The following ELMO1 variants were observed in gnomAD, a reference collection of about 807,000 sequenced individuals.
The protein encoded by ELMO1 is engulfment and cell motility protein 1.
Under a neutral mutation model 98.9 loss-of-function variants are expected in ELMO1, and 26 were observed. The observed-to-expected ratio is 0.26, with a 90% confidence interval of 0.19 to 0.36. The LOEUF is 0.36. ELMO1 is among the 10% of genes least tolerant of loss of function. ELMO1 has a pLI of 1.00. For synonymous variants in ELMO1, 346 were observed against 346.0 expected, an observed-to-expected ratio of 1.00 and a Z score of 0.00; for missense variants, 627 against 935.2, an observed-to-expected ratio of 0.67 and a Z score of 4.30.
At chr7:37,176,946 G>A (rs139085150) in intron 13 of ELMO1, among the ~76,000 whole-genome samples, 431 of 152,288 alleles carry the variant, frequency 2.8e-3, no homozygotes, top group African/African-American at 9.7e-3. Context: ...CCTAAGTACG[G>A]ATATGGTGTA....
At chr7:37,312,336 G>A (rs771468822) in intron 4 of ELMO1, among the ~76,000 whole-genome samples, 21 of 152,182 alleles carry the variant, frequency 1.4e-4, no homozygotes, top group African/African-American at 3.9e-4. Context: ...TGACCCACCC[G>A]CCTTGGCCTC....
At chr7:37,022,480 C>A (rs1390458580) in intron 15 of ELMO1, among the ~76,000 whole-genome samples, 3 of 152,114 alleles carry the variant, frequency 2.0e-5, no homozygotes, top group African/African-American at 7.2e-5. Flanking sequence ...TGAAAAGGAG[C>A]TAAGCTTTTT....
rs1796300967 is a variant in ELMO1, at chr7:37,267,049, A to G, written c.243+4783T>C. Among the ~76,000 whole-genome samples the G allele has an allele frequency of 1.5e-5, 2 of 130,258 alleles. 1 individual carries two copies. Among genetic ancestry groups the G allele is most frequent in the African/African-American group, 6.5e-5 (2 of 30,658 alleles). 85.5% of individuals were successfully genotyped at this position (130,258 alleles called of 152,430 possible). ...AAAATATGTATATATACACACACACACACACACACACACACACACACACAC... is the reference window on the plus strand; with the variant it reads ...AAAATATGTATATATACACACACACGCACACACACACACACACACACACAC... On this transcript the variant is annotated intron_variant, in intron 5 of 21. Transcript: ENST00000310758.
intron 14 of ELMO1, among the ~76,000 whole-genome samples, chr7:37,107,342 G>A (rs375277436): frequency 2.0e-5 from 3 of 152,340 alleles, no homozygotes; most frequent in African/African-American, 7.2e-5. Flanking sequence ...GCTTCATGGA[G>A]AGGGTGAGCC....
At chr7:37,381,364 C>T (rs770824055) in intron 1 of ELMO1, among the ~76,000 whole-genome samples, 4 of 152,110 alleles carry the variant, frequency 2.6e-5, no homozygotes, top group Non-Finnish European at 5.9e-5. Flanking sequence ...TTATTTAAAC[C>T]CCCTAGATTA....
intron 1 of ELMO1, among the ~76,000 whole-genome samples, chr7:37,447,011 G>C (rs1466495256): frequency 5.3e-5 from 8 of 152,112 alleles, no homozygotes; most frequent in Non-Finnish European, 1.0e-4. Context: ...TTTTCCCCCA[G>C]ATCTGTAAAT....
At chr7:36,973,621 C>T (rs1191327061) in intron 16 of ELMO1, among the ~76,000 whole-genome samples, 1 of 152,218 alleles carries the variant, frequency 6.6e-6, no homozygotes, top group African/African-American at 2.4e-5. Context: ...GGTGACTCCT[C>T]TGCCTGGGCT....
intron 4 of ELMO1, 53 bp downstream of exon 4, chr7:37,314,797 T>G: frequency 6.5e-7 from 1 of 1,536,126 alleles, no homozygotes; most frequent in Non-Finnish European, 8.9e-7. Context: ...AACATCATCA[T>G]GATTTACTTT....
At chr7:37,216,729 A>T in intron 10 of ELMO1, 34 bp from the exon 11 acceptor site, 1 of 1,613,890 alleles carries the variant, frequency 6.2e-7, no homozygotes, top group Non-Finnish European at 8.5e-7. Context: ...ACAAAGGCTT[A>T]GGTTAGAAAG....
At chr7:37,228,723 C>T (rs1794001954) in intron 8 of ELMO1, among the ~76,000 whole-genome samples, 1 of 152,126 alleles carries the variant, frequency 6.6e-6, no homozygotes, top group Non-Finnish European at 1.5e-5. Context: ...TCATGGAGGG[C>T]CGGGCACAGT....
chr7:37,174,897 T>C (rs1790417128), intron 13 of ELMO1, among the ~76,000 whole-genome samples: 1 of 152,096 alleles, frequency 6.6e-6, no homozygotes, highest in African/African-American at 2.4e-5. Flanking sequence ...ACACCACAAA[T>C]GCAGTCCCTG....
intron 16 of ELMO1, among the ~76,000 whole-genome samples, chr7:36,970,797 A>G (rs776244546): frequency 2.0e-5 from 3 of 152,244 alleles, no homozygotes; most frequent in Non-Finnish European, 4.4e-5. Flanking sequence ...GCAATGTCAG[A>G]GCTGGCCACT....
At chr7:37,438,881 CCTT>C (rs902079605) in intron 1 of ELMO1, among the ~76,000 whole-genome samples, 2 of 152,146 alleles carry the variant, frequency 1.3e-5, no homozygotes, top group African/African-American at 2.4e-5. Flanking sequence ...CTCAAAGACT[CCTT>C]CTCCTTTTTC....
At chr7:37,153,622 A>G (rs1487914509) in intron 13 of ELMO1, among the ~76,000 whole-genome samples, 3 of 152,102 alleles carry the variant, frequency 2.0e-5, no homozygotes, top group Non-Finnish European at 4.4e-5. Flanking sequence ...AGGCGGTTCT[A>G]TGTTCACAGT....
chr7:37,289,592 C>A (rs1189304041), intron 4 of ELMO1, among the ~76,000 whole-genome samples: 1 of 152,174 alleles, frequency 6.6e-6, no homozygotes, highest in Non-Finnish European at 1.5e-5. Context: ...AATGCACCTG[C>A]TCCAGCCCTA....
intron 17 of ELMO1, among the ~76,000 whole-genome samples, chr7:36,890,674 G>A (rs1805474540): frequency 6.6e-6 from 1 of 151,880 alleles, no homozygotes; most frequent in African/African-American, 2.4e-5. Context: ...CTCTTGCTTG[G>A]GTTATTAAAA....
intron 16 of ELMO1, among the ~76,000 whole-genome samples, chr7:36,901,669 T>A (rs903518014): frequency 5.9e-5 from 9 of 152,202 alleles, no homozygotes; most frequent in African/African-American, 2.2e-4. Flanking sequence ...ATCACTCAAC[T>A]TCTCTGAACC....
At chr7:37,381,385 A>G (rs774183015) in intron 1 of ELMO1, among the ~76,000 whole-genome samples, 1 of 152,180 alleles carries the variant, frequency 6.6e-6, no homozygotes, top group Non-Finnish European at 1.5e-5. Context: ...CTGGTTTACT[A>G]AAGTTCCAGT....
intron 2 of ELMO1, among the ~76,000 whole-genome samples, chr7:37,331,302 T>G (rs1459319267): frequency 2.0e-5 from 3 of 148,146 alleles, no homozygotes; most frequent in African/African-American, 2.5e-5. Flanking sequence ...CCCGAGTAGC[T>G]GGGACTACAG....
Sources: gnomAD v4.1 joint callset for allele counts (sites outside exome capture counted in the v4.1 genomes callset) on GRCh38, gnomAD v4.1.1 for gene constraint, MANE v1.5 for transcripts, NCBI Gene and HGNC (gene_info 2026-07-23, HGNC 2026-07-21) for gene names.